ZC3H12C: variants seen among roughly 807,000 people sequenced by gnomAD.
ZC3H12C encodes probable ribonuclease ZC3H12C.
Under a neutral mutation model 76.3 loss-of-function variants are expected in ZC3H12C, and 20 were observed. That is an observed-to-expected ratio of 0.26 (90% CI 0.18 to 0.38). The LOEUF is 0.38. ZC3H12C is among the 10% of genes least tolerant of loss of function. The pLI is 1.00. For missense variants in ZC3H12C, 874 were observed against 1,086.5 expected (o/e 0.80, Z 2.75); for synonymous variants, 352 against 399.6 (o/e 0.88, Z 1.42).
intron 1 of ZC3H12C, chr11:110,130,915 A>C: frequency 9.7e-7 from 1 of 1,027,226 alleles, no homozygotes; most frequent in Non-Finnish European, 1.4e-6. Flanking sequence ...CGGCCAACTA[A>C]TTGTGAGCTT....
Position 110,165,068 on chromosome 11 carries a change from G to A in ZC3H12C, c.1983G>A (p.Lys661=), listed in dbSNP as rs770942653. 1.2e-6 allele frequency: 2 copies of A among 1,613,754 alleles called. No individual in the cohort carries two copies. The highest frequency in any genetic ancestry group is 2.2e-5 in the South Asian group (2 of 91,080). Residue 661 remains lysine, a synonymous_variant, in exon 6 of 6, where the codon AAG becomes AAA. Transcript: ENST00000278590. ...SPDPQLEENL[K]CQHMHPHSRL... is the part of the protein sequence containing the mutation. Reference sequence around the variant, plus strand: ...ACCCACAGCTAGAGGAGAATTTGAAGTGTCAACACATGCACCCTCACAGCC... The same window carrying A: ...ACCCACAGCTAGAGGAGAATTTGAAATGTCAACACATGCACCCTCACAGCC...
At chr11:110,143,716 G>A (rs1173453491) in intron 2 of ZC3H12C, among the ~76,000 whole-genome samples, 4 of 152,078 alleles carry the variant, frequency 2.6e-5, no homozygotes, top group Non-Finnish European at 5.9e-5. Context: ...TAAAGACGGG[G>A]TCTTGCTATG....
chr11:110,132,223 G>GA (rs1403482004), intron 1 of ZC3H12C, among the ~76,000 whole-genome samples: 1 of 151,162 alleles, frequency 6.6e-6, no homozygotes, highest in Admixed American at 6.6e-5. Context: ...CTTTAGAATA[G>GA]AAAAAAGATT....
At position 110,093,428 on chromosome 11, in the gene ZC3H12C, C is replaced by T; in HGVS notation, c.17C>T (p.Ser6Phe). ...GGGCTGGCTATGCCGGGTGGCGGCTCCCAGGTTTGTCCTCGGGAAGGGGGT... is the reference window on the plus strand; with the variant it reads ...GGGCTGGCTATGCCGGGTGGCGGCTTCCAGGTTTGTCCTCGGGAAGGGGGT... MPGGG[S>F]QEYGVLCIQE... The change falls in exon 1 of 6, where the codon TCC becomes TTC. Residue 6 changes from serine (S) to phenylalanine (F), a missense_variant. By Grantham distance (155) the Ser-to-Phe change is radical. Around this residue, in one of 3 missense-constraint regions of ZC3H12C, gnomAD observed 210 missense variants for 227.1 expected, o/e 0.92. Transcript: ENST00000278590. 1 of 1,206,002 alleles carries T rather than the reference C, an allele frequency of 8.3e-7. No homozygotes were observed. The allele number at this position is 1,206,002 out of a possible 1,614,324, so 74.7% of individuals were successfully genotyped here.
chr11:110,127,598 T>C (rs1460728368), intron 1 of ZC3H12C, among the ~76,000 whole-genome samples: 3 of 151,992 alleles, frequency 2.0e-5, no homozygotes, highest in Non-Finnish European at 4.4e-5. Flanking sequence ...ATCATTAGGA[T>C]CAAAAGAAAT....
rs11387069 is a variant in ZC3H12C, at chr11:110,111,697, A to ATTT, written c.21+18282_21+18284dup. Among the ~76,000 whole-genome samples the ATTT allele has an allele frequency of 6.5e-3, 852 of 132,026 alleles. 4 individuals carry two copies. The highest frequency in any genetic ancestry group is 8.0e-3 in the Non-Finnish European group (494 of 61,832). The allele number at this position is 132,026 out of a possible 152,430, so 86.6% of individuals were successfully genotyped here. A position where few individuals can be genotyped will look rare whatever the true frequency, so the allele number is the denominator to read the frequency against. On this transcript the variant is annotated intron_variant, in intron 1 of 5. Coordinates refer to ENST00000278590, the MANE Select transcript of ZC3H12C (RefSeq NM_033390.2). ...AGGCACACACCACCAGGCCTGACTG[A>ATTT]TTTTTTTTTTTTTTTTTTTAGTTTT... is the stretch of plus-strand genomic sequence containing the variant.
In ZC3H12C at chr11:110,105,218, C is replaced by A. The variant is rs372860770; in HGVS notation, c.21+11786C>A. Among the ~76,000 whole-genome samples, 5 of 152,298 alleles carry A rather than the reference C, an allele frequency of 3.3e-5. No homozygotes were observed. In the East Asian group the frequency reaches 9.6e-4, roughly 29 times the overall value. On this transcript the variant is annotated intron_variant, in intron 1 of 5. Transcript: ENST00000278590. ...AGGCTGTCTCCTCATTGTTGACTTA[C>A]ACTTTTAAAAAATCTTTGGCATCAT...
intron 1 of ZC3H12C, among the ~76,000 whole-genome samples, chr11:110,112,393 G>C (rs1861449306): frequency 6.6e-6 from 1 of 152,098 alleles, no homozygotes. Context: ...ATTTTGCCTT[G>C]TTGCCCAGGC....
intron 1 of ZC3H12C, among the ~76,000 whole-genome samples, chr11:110,096,982 AT>A (rs1861124971): frequency 6.6e-6 from 1 of 152,206 alleles, no homozygotes; most frequent in Admixed American, 6.5e-5. Flanking sequence ...AATGAATAAT[AT>A]TTTTTATTGA....
At chr11:110,110,949 A>C (rs950888232) in intron 1 of ZC3H12C, among the ~76,000 whole-genome samples, 1 of 152,176 alleles carries the variant, frequency 6.6e-6, no homozygotes, top group African/African-American at 2.4e-5. Context: ...AAACTTCACA[A>C]AATTAATTTT....
chr11:110,135,490 CA>C (rs60107794), intron 1 of ZC3H12C, among the ~76,000 whole-genome samples: 956 of 95,286 alleles, frequency 0.01, 9 homozygotes, highest in African/African-American at 0.038. Flanking sequence ...ACTCCCGTCT[CA>C]AAAAAAAAAA....
intron 1 of ZC3H12C, among the ~76,000 whole-genome samples, chr11:110,093,811 C>T (rs770921012): frequency 1.3e-5 from 2 of 152,144 alleles, no homozygotes; most frequent in African/African-American, 4.8e-5. Context: ...GAAACGGACA[C>T]ACTGCGCTGC....
At chr11:110,116,912 C>T (rs1861536532) in intron 1 of ZC3H12C, among the ~76,000 whole-genome samples, 1 of 152,080 alleles carries the variant, frequency 6.6e-6, no homozygotes, top group Non-Finnish European at 1.5e-5. Context: ...ATAAAATCAC[C>T]CTGTAGTTCA....
intron 1 of ZC3H12C, among the ~76,000 whole-genome samples, chr11:110,093,712 C>G (rs1198871764): frequency 3.3e-5 from 5 of 152,090 alleles, no homozygotes; most frequent in Non-Finnish European, 7.4e-5. Flanking sequence ...TGAGGCCGGG[C>G]TTCCCGGCCC....
In ZC3H12C at chr11:110,165,584, G is replaced by A; in HGVS notation, c.2499G>A (p.Arg833=). 6.2e-7 allele frequency: 1 copy of A among 1,611,270 alleles called. No individual in the cohort carries two copies. The highest frequency in any genetic ancestry group is 8.5e-7 in the Non-Finnish European group (1 of 1,178,610). ...PYCGMPQDPP[R]YQDNREKIYI... ...GTGGAATGCCGCAAGATCCCCCGAG[G>A]TATCAAGACAACCGAGAAAAGATTT... Residue 833 remains arginine (R), a synonymous_variant, in exon 6 of 6, where the codon AGG becomes AGA. Transcript: ENST00000278590.
intron 3 of ZC3H12C, among the ~76,000 whole-genome samples, chr11:110,158,892 G>C (rs899823696): frequency 6.6e-6 from 1 of 152,314 alleles, no homozygotes; most frequent in African/African-American, 2.4e-5. Flanking sequence ...GCATACAGCT[G>C]CTTTATTAGA....
chr11:110,115,849 C>T (rs1861519228), intron 1 of ZC3H12C, among the ~76,000 whole-genome samples: 2 of 151,684 alleles, frequency 1.3e-5, no homozygotes, highest in South Asian at 4.2e-4. Flanking sequence ...CAACCTTCGC[C>T]TCCTGGGTTC....
chr11:110,161,353 C>T (rs771103556), intron 4 of ZC3H12C, among the ~76,000 whole-genome samples: 2 of 152,116 alleles, frequency 1.3e-5, no homozygotes, highest in Non-Finnish European at 1.5e-5. Context: ...TTATGCAGTG[C>T]GTGACTGTAC....
chr11:110,128,012 C>T (rs10891060), intron 1 of ZC3H12C, among the ~76,000 whole-genome samples: 50,111 of 151,988 alleles, frequency 0.33, 8,962 homozygotes, highest in African/African-American at 0.47. Context: ...ACTTGTTTCA[C>T]ATTCATACGT....
Sources: gnomAD v4.1 joint callset for allele counts (sites outside exome capture counted in the v4.1 genomes callset) on GRCh38, gnomAD v4.1.1 for gene constraint, gnomAD v4.1.1 regional missense constraint, MANE v1.5 for transcripts, NCBI Gene and HGNC (gene_info 2026-07-23, HGNC 2026-07-21) for gene names.